SLC35F1: variants seen among roughly 807,000 people sequenced by gnomAD.
The protein encoded by SLC35F1 is solute carrier family 35 member F1, also known as chromosome 6 open reading frame 169.
A neutral mutation model predicts 48.7 loss-of-function variants in SLC35F1; 14 were observed. The ratio of observed to expected loss-of-function variants is 0.29; its 90% CI spans 0.19 to 0.45. SLC35F1 has a LOEUF of 0.45. Among genes scored for constraint, SLC35F1 ranks in the 20% least tolerant of loss-of-function variants. The pLI, the probability that SLC35F1 is intolerant of heterozygous loss-of-function variation, is 1.00. For missense variants in SLC35F1, 404 were observed against 500.0 expected, an observed-to-expected ratio of 0.81 and a Z score of 1.83; for synonymous variants, 190 against 202.2, an observed-to-expected ratio of 0.94 and a Z score of 0.51.
At position 118,314,168 on chromosome 6, in the gene SLC35F1, G is replaced by C. The variant is rs41291934; in HGVS notation, c.1143G>C (p.Pro381=). ...RNPSGPVVDL[P]TTAQVEPSVT... ...CTTCAGGACCTGTTGTGGACTTACC[G>C]ACCACAGCTCAGGTGGAACCCTCAG... Residue 381 remains proline, a synonymous_variant, in exon 8 of 8, where the codon CCG becomes CCC. Coordinates refer to ENST00000360388, the MANE Select transcript of SLC35F1 (RefSeq NM_001029858.4). 5 of 1,613,936 alleles carry C rather than the reference G, an allele frequency of 3.1e-6. No individual in the cohort carries two copies. Among genetic ancestry groups the C allele is most frequent in the Non-Finnish European group, 3.4e-6 (4 of 1,180,014 alleles).
chr6:118,282,354 G>A (rs1434812830), intron 6 of SLC35F1, among the ~76,000 whole-genome samples: 3 of 152,124 alleles, frequency 2.0e-5, no homozygotes, highest in Non-Finnish European at 2.9e-5. Context: ...CAAAAACATC[G>A]GTTGACCTAG....
intron 2 of SLC35F1, among the ~76,000 whole-genome samples, chr6:118,200,399 G>A (rs921769971): frequency 3.3e-5 from 5 of 152,148 alleles, no homozygotes; most frequent in Non-Finnish European, 7.4e-5. Flanking sequence ...CCAGGAGTAA[G>A]GGAGGATTCT....
In SLC35F1 at chr6:118,043,507, A is replaced by T. The variant is rs1772257388; in HGVS notation, c.174-110938A>T. Among the ~76,000 whole-genome samples, 3 of 152,302 alleles carry T rather than the reference A, an allele frequency of 2.0e-5. No individual in the cohort carries two copies. The South Asian group carries it at 6.2e-4, about 32-fold the overall frequency. On this transcript the variant is annotated intron_variant, in intron 1 of 7. Transcript: ENST00000360388. Reference sequence around the variant, plus strand: ...TACCTTTTCAAGGCTTCATGTAGAAAAAAGGAGGGGCTATGTCTATCTTAT... The same window carrying T: ...TACCTTTTCAAGGCTTCATGTAGAATAAAGGAGGGGCTATGTCTATCTTAT...
At chr6:118,079,326 C>T (rs80142866) in intron 1 of SLC35F1, among the ~76,000 whole-genome samples, 3,613 of 152,244 alleles carry the variant, frequency 0.024, 54 homozygotes, top group Middle Eastern at 0.099. Context: ...CTTCAAAACT[C>T]ATCTGTATAG....
chr6:118,187,479 T>C (rs1186702149), intron 2 of SLC35F1, among the ~76,000 whole-genome samples: 1 of 152,210 alleles, frequency 6.6e-6, no homozygotes, highest in African/African-American at 2.4e-5. Flanking sequence ...TTTCACCTTT[T>C]GGTCATGACA....
At position 118,285,259 on chromosome 6, in the gene SLC35F1, G is replaced by A. The variant is rs759705275; in HGVS notation, c.923G>A (p.Ser308Asn). ...ATGCCAGTCGTCATAAAGAAAACCA[G>A]TGCCACTTCAGTCAACCTCTCCTTG... ...SFMPVVIKKTSATSVNLSLLT... is the reference protein window; with the variant it reads ...SFMPVVIKKTNATSVNLSLLT... The change falls in exon 7 of 8, where the codon AGT becomes AAT. Residue 308 changes from serine (S) to asparagine (N), a missense_variant. Physicochemically the swap from Ser to Asn is conservative, Grantham distance 46. Around this residue, in one of 2 missense-constraint regions of SLC35F1, gnomAD observed 306 missense variants for 419.1 expected, o/e 0.73. Coordinates refer to ENST00000360388, the MANE Select transcript of SLC35F1 (RefSeq NM_001029858.4). 5 of 1,613,910 alleles carry A rather than the reference G, an allele frequency of 3.1e-6. No individual in the cohort carries two copies. Among genetic ancestry groups the A allele is most frequent in the Non-Finnish European group, 3.4e-6 (4 of 1,179,928 alleles).
chr6:118,190,225 A>C (rs913429318), intron 2 of SLC35F1, among the ~76,000 whole-genome samples: 4 of 152,168 alleles, frequency 2.6e-5, no homozygotes, highest in African/African-American at 9.7e-5. Context: ...GAGTTTTGCA[A>C]AGGTAGGAAC....
At chr6:118,140,313 A>G (rs545755333) in intron 1 of SLC35F1, among the ~76,000 whole-genome samples, 15 of 152,360 alleles carry the variant, frequency 9.8e-5, no homozygotes, top group Admixed American at 6.5e-4. Flanking sequence ...GACGGCACAT[A>G]TAACAGTGGT....
intron 1 of SLC35F1, among the ~76,000 whole-genome samples, chr6:117,985,676 G>A (rs1038671218): frequency 2.6e-5 from 4 of 152,146 alleles, no homozygotes; most frequent in African/African-American, 9.7e-5. Flanking sequence ...CAGAGAAACT[G>A]TGAATACCTC....
intron 4 of SLC35F1, among the ~76,000 whole-genome samples, chr6:118,269,567 A>G (rs185605990): frequency 6.6e-6 from 1 of 152,170 alleles, no homozygotes; most frequent in Non-Finnish European, 1.5e-5. Context: ...AGAAAAAAAA[A>G]CCCACTGGTT....
At chr6:118,232,865 A>G (rs1287773646) in intron 2 of SLC35F1, among the ~76,000 whole-genome samples, 1 of 152,146 alleles carries the variant, frequency 6.6e-6, no homozygotes, top group Non-Finnish European at 1.5e-5. Flanking sequence ...TTAATCATCT[A>G]AAAGTCCTAG....
chr6:118,001,943 A>G lies in SLC35F1; in HGVS notation c.173+94044A>G, dbSNP rs2114868199. 1.3e-5 allele frequency among the ~76,000 whole-genome samples: 2 copies of G among 149,632 alleles called. 1 individual carries two copies. The stretch of plus-strand genomic sequence containing the variant: ...TTAGAATGGCAATCATTAAAAAGTC[A>G]GGAAACAACAGGTGCTGGAGAGGAT... On this transcript the variant is annotated intron_variant, in intron 1 of 7. Transcript: ENST00000360388.
chr6:118,202,562 A>T (rs1224893387), intron 2 of SLC35F1, among the ~76,000 whole-genome samples: 1 of 152,218 alleles, frequency 6.6e-6, no homozygotes, highest in Non-Finnish European at 1.5e-5. Flanking sequence ...AATCTCCAGT[A>T]TTCACAAAGT....
chr6:117,966,133 C>CCCT (rs1554219363), intron 1 of SLC35F1, among the ~76,000 whole-genome samples: 1 of 59,060 alleles, frequency 1.7e-5, no homozygotes, highest in African/African-American at 5.3e-5. Context: ...AGGCCACCGC[C>CCCT]CCCCCCCCCA....
At chr6:118,059,060 ACG>A (rs1192224984) in intron 1 of SLC35F1, among the ~76,000 whole-genome samples, 1 of 152,218 alleles carries the variant, frequency 6.6e-6, no homozygotes, top group Admixed American at 6.5e-5. Flanking sequence ...GACATATACC[ACG>A]GTATTTAATT....
chr6:118,278,870 C>T (rs983805717), intron 6 of SLC35F1, among the ~76,000 whole-genome samples: 11 of 152,196 alleles, frequency 7.2e-5, no homozygotes, highest in African/African-American at 2.7e-4. Context: ...AATTTGTCCT[C>T]AAACTATGTG....
At chr6:118,073,128 A>G (rs947600825) in intron 1 of SLC35F1, among the ~76,000 whole-genome samples, 16 of 152,200 alleles carry the variant, frequency 1.1e-4, no homozygotes, top group Non-Finnish European at 2.4e-4. Flanking sequence ...ATAATTATGT[A>G]AGGCTCTAGA....
intron 1 of SLC35F1, among the ~76,000 whole-genome samples, chr6:118,001,645 C>A (rs533735642): frequency 2.6e-4 from 40 of 152,020 alleles, no homozygotes; most frequent in Non-Finnish European, 3.8e-4. Flanking sequence ...AAAGAAACTA[C>A]CATCAGAGTG....
intron 7 of SLC35F1, among the ~76,000 whole-genome samples, chr6:118,291,599 A>C (rs974784191): frequency 2.6e-5 from 4 of 152,204 alleles, no homozygotes; most frequent in African/African-American, 7.2e-5. Flanking sequence ...TATAAACATG[A>C]AAGGAACCAA....
Sources: gnomAD v4.1 joint callset for allele counts (sites outside exome capture counted in the v4.1 genomes callset) on GRCh38, gnomAD v4.1.1 for gene constraint, gnomAD v4.1.1 regional missense constraint, MANE v1.5 for transcripts, NCBI Gene and HGNC (gene_info 2026-07-23, HGNC 2026-07-21) for gene names.